The following MSN variants were observed in gnomAD, a reference collection of about 807,000 sequenced individuals.
MSN encodes moesin, also known as epididymis luminal protein 70.
A neutral mutation model predicts 48.0 loss-of-function variants in MSN; 2 were observed. The ratio of observed to expected loss-of-function variants is 0.04; its 90% CI spans 0.02 to 0.13. The LOEUF is 0.13. Among genes scored for constraint, MSN ranks in the 10% least tolerant of loss-of-function variants. The pLI, the probability that MSN is intolerant of heterozygous loss-of-function variation, is 1.00. For missense variants in MSN, 267 were observed against 470.1 expected (o/e 0.57, Z 3.99); for synonymous variants, 146 against 166.9 (o/e 0.87, Z 0.97).
In MSN at chrX:65,729,686, G is replaced by T. The variant is rs1221285097; in HGVS notation, c.441G>T (p.Leu147=). ...FNKEVHKSGY[L]AGDKLLPQRV... ...AGGAAGTGCATAAGTCTGGCTACCT[G>T]GCCGGAGACAAGTTGCTCCCGCAGA... Residue 147 remains leucine, a synonymous_variant, in exon 4 of 13, where the codon CTG becomes CTT. Transcript: ENST00000360270. The T allele has an allele frequency of 8.3e-7, 1 of 1,209,326 alleles. No homozygotes were observed. The highest frequency in any genetic ancestry group is 1.7e-5 in the African/African-American group (1 of 57,190).
intron 1 of MSN, among the ~76,000 whole-genome samples, chrX:65,639,704 G>C (rs940487227): frequency 9.0e-6 from 1 of 111,560 alleles, no homozygotes; most frequent in Admixed American, 9.6e-5. Flanking sequence ...TTAGTACAGG[G>C]ATTCTTGGCT....
chrX:65,615,511 A>G (rs2070361954), intron 1 of MSN, among the ~76,000 whole-genome samples: 1 of 108,932 alleles, frequency 9.2e-6, no homozygotes, highest in Non-Finnish European at 1.9e-5. Flanking sequence ...CTCTTTTGAG[A>G]AGTGTCTGTT....
intron 1 of MSN, among the ~76,000 whole-genome samples, chrX:65,641,578 A>G (rs1239986882): frequency 1.5e-5 from 1 of 68,350 alleles, no homozygotes; most frequent in Non-Finnish European, 2.6e-5. Context: ...ATATATATAT[A>G]TATATATATA....
At chrX:65,706,511 A>G (rs1302601730) in intron 1 of MSN, among the ~76,000 whole-genome samples, 2 of 111,895 alleles carry the variant, frequency 1.8e-5, no homozygotes, top group African/African-American at 6.5e-5. Context: ...CTCAGACCCA[A>G]CTGGGCTGAC....
intron 2 of MSN, among the ~76,000 whole-genome samples, chrX:65,719,535 T>C (rs113098327): frequency 9.0e-6 from 1 of 111,724 alleles, no homozygotes; most frequent in East Asian, 2.8e-4. Flanking sequence ...CTTGACAGGC[T>C]TTTTACTGTC....
rs552841688 is a variant in MSN at position 65,661,516 on chromosome X, T to C, written c.-21-55302T>C. On this transcript the variant is annotated intron_variant, in intron 1 of 3. Coordinates refer to the MSN transcript ENST00000609672. ...ACGTGCTGCTGGATTTGTTTGCTAG[T>C]ATTTTGTTAAGGACTTTTGCATCTA... Among the ~76,000 whole-genome samples the C allele has an allele frequency of 2.7e-5, 3 of 112,267 alleles. No individual in the cohort carries two copies. In the South Asian group the frequency reaches 1.1e-3, roughly 41 times the overall value.
At chrX:65,688,058 G>C (rs1012884545) in intron 1 of MSN, among the ~76,000 whole-genome samples, 1 of 111,853 alleles carries the variant, frequency 8.9e-6, no homozygotes, top group Non-Finnish European at 1.9e-5. Flanking sequence ...GATGCGAATT[G>C]AAGGAATCTC....
Position 65,656,027 on chromosome X carries a change from A to G in MSN, c.-21-60791A>G, listed in dbSNP as rs912695734. 1.8e-4 allele frequency among the ~76,000 whole-genome samples: 20 copies of G among 112,186 alleles called. No individual in the cohort carries two copies. In the Admixed American group the frequency reaches 1.9e-3, roughly 11 times the overall value. The stretch of plus-strand genomic sequence containing the variant: ...GGTGATTCACCCGCCTTGGCCTCCC[A>G]AAGTTCAGGGATTACAGGCATGAGC... On this transcript the variant is annotated intron_variant, in intron 1 of 3. Transcript: ENST00000609672.
intron 1 of MSN, among the ~76,000 whole-genome samples, chrX:65,675,677 G>T (rs1324584594): frequency 1.8e-5 from 2 of 109,842 alleles, no homozygotes; most frequent in Non-Finnish European, 3.8e-5. Flanking sequence ...TAGCTCTGTT[G>T]CCCAGGCTGG....
intron 1 of MSN, among the ~76,000 whole-genome samples, chrX:65,671,029 T>C (rs2070936620): frequency 2.0e-5 from 2 of 98,493 alleles, no homozygotes; most frequent in Non-Finnish European, 2.0e-5. Flanking sequence ...TGAGGCTTTC[T>C]TGGATTTCCT....
At chrX:65,737,807 AACCC>A (rs10549655) in intron 10 of MSN, among the ~76,000 whole-genome samples, 26,478 of 111,536 alleles carry the variant, frequency 0.24, 7,659 homozygotes, top group African/African-American at 0.83. Flanking sequence ...TAAGGATTAG[AACCC>A]ACCCATTTCT....
chrX:65,596,871 T>C (rs1347700629), intron 1 of MSN, among the ~76,000 whole-genome samples: 1 of 110,469 alleles, frequency 9.1e-6, no homozygotes, highest in African/African-American at 3.3e-5. Context: ...TATTAATCAC[T>C]GAGCTGGGGC....
intron 1 of MSN, among the ~76,000 whole-genome samples, chrX:65,703,183 G>A (rs2071326070): frequency 9.0e-6 from 1 of 111,119 alleles, no homozygotes; most frequent in Admixed American, 9.5e-5. Flanking sequence ...AAAGGGGAGG[G>A]ATTAGTAATC....
chrX:65,600,028 G>T (rs1190502885), intron 1 of MSN, among the ~76,000 whole-genome samples: 1 of 108,210 alleles, frequency 9.2e-6, no homozygotes, highest in Non-Finnish European at 1.9e-5. Flanking sequence ...ATAAGAATCT[G>T]ATGTGGTGTG....
intron 1 of MSN, among the ~76,000 whole-genome samples, chrX:65,652,443 C>G (rs994334236): frequency 9.0e-6 from 1 of 111,400 alleles, no homozygotes; most frequent in African/African-American, 3.3e-5. Flanking sequence ...AAGAGTAAGA[C>G]CTCTCCAGTT....
chrX:65,678,452 G>T (rs962735665), intron 1 of MSN, among the ~76,000 whole-genome samples: 1 of 111,564 alleles, frequency 9.0e-6, no homozygotes, highest in African/African-American at 3.3e-5. Context: ...GAGTGGTCTC[G>T]ATTGGCCTAA....
intron 1 of MSN, among the ~76,000 whole-genome samples, chrX:65,612,734 T>C (rs375809930): frequency 9.2e-6 from 1 of 108,630 alleles, no homozygotes; most frequent in Non-Finnish European, 1.9e-5. Flanking sequence ...CTAATTTCTG[T>C]ATTTTTAGTA....
At chrX:65,634,803 A>G (rs1361324214) in intron 1 of MSN, among the ~76,000 whole-genome samples, 1 of 111,580 alleles carries the variant, frequency 9.0e-6, no homozygotes, top group East Asian at 2.8e-4. Flanking sequence ...TCTGCAGTAC[A>G]TGGTGGATGT....
At chrX:65,733,072 A>AG (rs1279140480) in intron 6 of MSN, 112 bp from the exon 7 acceptor site, 34 of 499,264 alleles carry the variant, frequency 6.8e-5, no homozygotes, top group Middle Eastern at 5.5e-4. Flanking sequence ...AAAAAAAAAA[A>AG]AGAGAGAGAG....
Sources: gnomAD v4.1 joint callset for allele counts (sites outside exome capture counted in the v4.1 genomes callset) on GRCh38, gnomAD v4.1.1 for gene constraint, MANE v1.5 for transcripts, NCBI Gene and HGNC (gene_info 2026-07-23, HGNC 2026-07-21) for gene names.